KIF9: variants seen among roughly 807,000 people sequenced by gnomAD.
The protein encoded by KIF9 is kinesin family member 9.
Under a neutral mutation model 94.8 loss-of-function variants are expected in KIF9, and 68 were observed. The ratio of observed to expected loss-of-function variants is 0.72; its 90% CI spans 0.59 to 0.88. The LOEUF is 0.88. Among genes scored for constraint, KIF9 ranks in the 40% least tolerant of loss-of-function variants. The probability of loss-of-function intolerance (pLI) is 0.00; values close to 1 mark genes in which losing one functional copy is unlikely to be tolerated. For synonymous variants in KIF9, 343 were observed against 362.1 expected (o/e 0.95, Z 0.60); for missense variants, 882 against 982.5 (o/e 0.90, Z 1.37).
At chr3:47,234,041 C>G (rs936757512) in intron 20 of KIF9, among the ~76,000 whole-genome samples, 7 of 151,910 alleles carry the variant, frequency 4.6e-5, no homozygotes, top group African/African-American at 1.7e-4. Flanking sequence ...TGAGGACACG[C>G]CATTGCACTC....
chr3:47,267,353 A>G, intron 5 of KIF9, 90 bp from the exon 6 acceptor site: 1 of 906,738 alleles, frequency 1.1e-6, no homozygotes, highest in Non-Finnish European at 1.8e-6. Context: ...ATAGCTACAC[A>G]AGTGGTCTCA....
At chr3:47,264,013 C>T in intron 9 of KIF9, 2 of 539,470 alleles carry the variant, frequency 3.7e-6, no homozygotes, top group South Asian at 3.1e-5. Context: ...TCCTTGTCTT[C>T]ACAAAGCTGG....
At chr3:47,256,294 CCAT>C (rs1465392284) in intron 10 of KIF9, among the ~76,000 whole-genome samples, 8 of 151,854 alleles carry the variant, frequency 5.3e-5, no homozygotes, top group Non-Finnish European at 7.4e-5. Context: ...TGCCCGGCCG[CCAT>C]CCCATCTAGG....
At chr3:47,261,377 G>A (rs1235554683) in intron 9 of KIF9, among the ~76,000 whole-genome samples, 1 of 152,200 alleles carries the variant, frequency 6.6e-6, no homozygotes, top group African/African-American at 2.4e-5. Flanking sequence ...GATAATTATG[G>A]CTGGAGGCCT....
At chr3:47,236,311 C>A in intron 18 of KIF9, 132 bp downstream of exon 18, 1 of 1,097,810 alleles carries the variant, frequency 9.1e-7, no homozygotes, top group South Asian at 1.5e-5. Context: ...GGGAACCACA[C>A]ATCTCAAGCC....
In KIF9 at chr3:47,228,139, C is replaced by T. The variant is rs560094998; in HGVS notation, c.*513G>A. On this transcript the variant is annotated 3_prime_UTR_variant, in exon 21 of 21. Coordinates refer to ENST00000684063, the MANE Select transcript of KIF9 (RefSeq NM_182902.4). Reference sequence around the variant, plus strand: ...CCTGTCTTCTTCACTGGCTCAGAAACACAGAAAAGATGTCTTGAGAGAACT... The same window carrying T: ...CCTGTCTTCTTCACTGGCTCAGAAATACAGAAAAGATGTCTTGAGAGAACT... 1 of 152,828 alleles carries T rather than the reference C, an allele frequency of 6.5e-6. No individual in the cohort carries two copies. The highest frequency in any genetic ancestry group is 2.1e-4 in the South Asian group (1 of 4,850). 9.5% of individuals were successfully genotyped at this position (152,828 alleles called of 1,614,324 possible).
intron 1 of KIF9, among the ~76,000 whole-genome samples, 195 bp from the exon 2 acceptor site, chr3:47,277,574 G>A (rs569475356): frequency 6.6e-6 from 1 of 151,936 alleles, no homozygotes; most frequent in African/African-American, 2.4e-5. Context: ...ACAAATACAC[G>A]CACTTTCTGC....
intron 16 of KIF9, among the ~76,000 whole-genome samples, chr3:47,242,550 T>C (rs771536214): frequency 6.6e-6 from 1 of 152,230 alleles, no homozygotes; most frequent in Non-Finnish European, 1.5e-5. Flanking sequence ...ACAATTCACT[T>C]AGTGCCCTTT....
At position 47,262,388 on chromosome 3, in the gene KIF9, G is replaced by T. The variant is rs1425602366; in HGVS notation, c.981+1898C>A. ...CTGCCTCCAGGGTTCTCCTGTCTCAGCCTCCCAAGTAGCTGGGATTACAGG... is the reference window on the plus strand; with the variant it reads ...CTGCCTCCAGGGTTCTCCTGTCTCATCCTCCCAAGTAGCTGGGATTACAGG... On this transcript the variant is annotated intron_variant, in intron 9 of 20. Coordinates refer to ENST00000684063, the MANE Select transcript of KIF9 (RefSeq NM_182902.4). 2.0e-5 allele frequency among the ~76,000 whole-genome samples: 3 copies of T among 151,550 alleles called. No homozygotes were observed. The South Asian group carries it at 6.2e-4, about 32-fold the overall frequency.
chr3:47,266,056 T>C (rs1001771791), intron 7 of KIF9, 179 bp from the exon 8 acceptor site: 40 of 587,882 alleles, frequency 6.8e-5, no homozygotes, highest in Non-Finnish European at 1.0e-4. Flanking sequence ...CTAATAATGG[T>C]AATACCAAAA....
intron 1 of KIF9, among the ~76,000 whole-genome samples, chr3:47,280,653 C>T (rs1185799505): frequency 1.3e-5 from 2 of 152,216 alleles, no homozygotes; most frequent in African/African-American, 2.4e-5. Context: ...CACTGCTCTC[C>T]AGCCTGGACA....
chr3:47,240,821 T>C lies in KIF9; in HGVS notation c.1904A>G (p.Lys635Arg). The change falls in exon 17 of 21, where the codon AAG becomes AGG. Residue 635 changes from lysine (K) to arginine (R), a missense_variant. Lys to Arg is a conservative substitution (Grantham distance 26). Transcript: ENST00000684063. ...DVTKEALNFQ[K>R]SLREKQGKYE... ...TTTACCTTGCTTCTCCCGTAGTGAC[T>C]TCTGGAAATTCAGGGCCTCCTTGGT... 6.2e-7 allele frequency: 1 copy of C among 1,614,136 alleles called. No individual in the cohort carries two copies.
intron 2 of KIF9, among the ~76,000 whole-genome samples, 187 bp from the exon 3 acceptor site, chr3:47,275,677 G>C (rs1701920703): frequency 6.6e-6 from 1 of 152,226 alleles, no homozygotes; most frequent in Non-Finnish European, 1.5e-5. Flanking sequence ...AGTTCCTGCA[G>C]GGAGATGGAA....
intron 10 of KIF9, 97 bp downstream of exon 10, chr3:47,257,386 G>T: frequency 3.8e-6 from 4 of 1,056,092 alleles, no homozygotes; most frequent in Non-Finnish European, 4.3e-6. Flanking sequence ...GGGGATCTTT[G>T]GTTGAGGCAG....
chr3:47,265,936 T>G lies in KIF9; in HGVS notation c.769-59A>C, dbSNP rs183696391. 1.9e-4 allele frequency: 304 copies of G among 1,576,738 alleles called. 2 individuals carry two copies. The South Asian group carries it at 2.2e-3, about 11-fold the overall frequency. ...AATAAAGCAGCTGCCCCACTAAGAA[T>G]AGCAGTCTTCCTGGTCTGGAGAAAT... On this transcript the variant is annotated intron_variant, in intron 7 of 20. Transcript: ENST00000684063.
In KIF9 at chr3:47,264,063, C is replaced by T. The variant is rs1701141868; in HGVS notation, c.981+223G>A. On this transcript the variant is annotated intron_variant, in intron 9 of 20. Transcript: ENST00000684063. ...CCTCACACAGTCTCCCATGCTGAGCCTGCCTGCTGGCTGGCCCTTTTCCTC... is the reference window on the plus strand; with the variant it reads ...CCTCACACAGTCTCCCATGCTGAGCTTGCCTGCTGGCTGGCCCTTTTCCTC... 7.0e-6 allele frequency: 4 copies of T among 567,986 alleles called. No homozygotes were observed. In the East Asian group the frequency reaches 1.1e-4, roughly 15 times the overall value. The allele number at this position is 567,986 out of a possible 1,614,324, so 35.2% of individuals were successfully genotyped here. A position where few individuals can be genotyped will look rare whatever the true frequency, so the allele number is the denominator to read the frequency against.
chr3:47,275,686 A>G (rs959446092), intron 2 of KIF9, among the ~76,000 whole-genome samples, 196 bp from the exon 3 acceptor site: 2 of 152,222 alleles, frequency 1.3e-5, no homozygotes, highest in Admixed American at 6.5e-5. Flanking sequence ...AGGGAGATGG[A>G]AAGATCAGGA....
Position 47,248,067 on chromosome 3 carries a change from T to C in KIF9, c.1079A>G (p.Glu360Gly), listed in dbSNP as rs750151764. 10 of 1,613,580 alleles carry C rather than the reference T, an allele frequency of 6.2e-6. No homozygotes were observed. In the Admixed American group the frequency reaches 1.7e-4, roughly 27 times the overall value. Reference protein sequence around the residue: ...YDAERMVKNLEKELALLKQEL... With the variant: ...YDAERMVKNLGKELALLKQEL... ...CTGCTTGAGTAGTGCTAGTTCCTTCTCCAGGTTCTTGACCATTCTCTGCCG... is the reference window on the plus strand; with the variant it reads ...CTGCTTGAGTAGTGCTAGTTCCTTCCCCAGGTTCTTGACCATTCTCTGCCG... Residue 360 changes from glutamate (E) to glycine (G), a missense_variant, in exon 11 of 21, where the codon GAG becomes GGG. Coordinates refer to ENST00000684063, the MANE Select transcript of KIF9 (RefSeq NM_182902.4).
At chr3:47,253,460 AT>A (rs11301132) in intron 10 of KIF9, among the ~76,000 whole-genome samples, 50,705 of 147,942 alleles carry the variant, frequency 0.34, 8,753 homozygotes, top group Middle Eastern at 0.48. Context: ...CGGCCCAGTG[AT>A]TTTTTTTTTT....
Sources: allele counts gnomAD v4.1 joint callset (sites outside exome capture counted in the v4.1 genomes callset), GRCh38; gene constraint gnomAD v4.1.1; transcripts MANE v1.5; gene names NCBI Gene and HGNC (gene_info 2026-07-23, HGNC 2026-07-21).